CSGALNACT1: variants seen among roughly 807,000 people sequenced by gnomAD.
The protein encoded by CSGALNACT1 is beta4GalNAcT-1.
CSGALNACT1 carries 52 observed loss-of-function variants against 51.0 expected under a neutral mutation model. That is an observed-to-expected ratio of 1.02 (90% CI 0.82 to 1.29). CSGALNACT1 has a LOEUF of 1.29. Ranked by LOEUF, CSGALNACT1 falls within the 50% of genes most tolerant of loss-of-function variation. CSGALNACT1 has a pLI of 0.00. For missense variants in CSGALNACT1, 935 were observed against 679.2 expected, an observed-to-expected ratio of 1.38 and a Z score of -4.19; for synonymous variants, 341 against 254.4, an observed-to-expected ratio of 1.34 and a Z score of -3.24.
chr8:19,466,445 A>C (rs1430673644), intron 4 of CSGALNACT1, among the ~76,000 whole-genome samples: 3 of 152,196 alleles, frequency 2.0e-5, no homozygotes, highest in Non-Finnish European at 4.4e-5. Context: ...ATAAACACAC[A>C]TTCTGCTTAC....
chr8:19,698,583 T>C (rs2061697598), intron 1 of CSGALNACT1, among the ~76,000 whole-genome samples: 1 of 152,180 alleles, frequency 6.6e-6, no homozygotes, highest in South Asian at 2.1e-4. Flanking sequence ...GAAGTTAATC[T>C]GGAGGCACTA....
chr8:19,531,418 C>T (rs1399262130), intron 3 of CSGALNACT1, among the ~76,000 whole-genome samples: 1 of 152,164 alleles, frequency 6.6e-6, no homozygotes, highest in Admixed American at 6.5e-5. Flanking sequence ...GCAGAACACC[C>T]AGCTCAGTCC....
intron 8 of CSGALNACT1, among the ~76,000 whole-genome samples, chr8:19,416,644 C>T (rs949485006): frequency 6.6e-6 from 1 of 152,076 alleles, no homozygotes; most frequent in Admixed American, 6.6e-5. Flanking sequence ...TACTGAATAC[C>T]ATCGTGCTTC....
chr8:19,648,702 G>A (rs370178993), intron 1 of CSGALNACT1, among the ~76,000 whole-genome samples: 22 of 152,280 alleles, frequency 1.4e-4, no homozygotes, highest in African/African-American at 4.6e-4. Flanking sequence ...TACTCAGAAG[G>A]CTGAGGTGGG....
In CSGALNACT1 at chr8:19,406,009, T is replaced by TC; in HGVS notation, c.1369_1370insG (p.Tyr457Ter). 1 of 1,614,220 alleles carries TC rather than the reference T, an allele frequency of 6.2e-7. No individual in the cohort carries two copies. The highest frequency in any genetic ancestry group is 8.5e-7 in the Non-Finnish European group (1 of 1,180,060). The stretch of plus-strand genomic sequence containing the variant: ...TACCACTATGAGGTTGCTGTGGAGA[T>TC]ACTTGCGATAAAGGTGCACATCCTC... Residue 457 changes from tyrosine (Y) to a stop codon, truncating the protein, a stop_gained and frameshift_variant, in exon 10 of 10, where the codon TAT becomes TGAT. Coordinates refer to ENST00000454498, the Ensembl canonical transcript of CSGALNACT1. LOFTEE classifies it high-confidence loss of function.
intron 3 of CSGALNACT1, among the ~76,000 whole-genome samples, chr8:19,549,302 T>G (rs1038681241): frequency 1.3e-5 from 2 of 152,172 alleles, no homozygotes; most frequent in African/African-American, 4.8e-5. Context: ...TTAAATATTG[T>G]TCCTAACTAA....
At chr8:19,599,413 A>AAAGGAAGG (rs1242872439) in intron 2 of CSGALNACT1, among the ~76,000 whole-genome samples, 1 of 146,926 alleles carries the variant, frequency 6.8e-6, no homozygotes, top group Non-Finnish European at 1.5e-5. Flanking sequence ...AAAAGGAAAG[A>AAAGGAAGG]AAGGAAGGAA....
intron 3 of CSGALNACT1, among the ~76,000 whole-genome samples, chr8:19,511,567 C>T (rs2078471066): frequency 6.6e-6 from 1 of 152,144 alleles, no homozygotes; most frequent in Non-Finnish European, 1.5e-5. Flanking sequence ...ATTTAGAATT[C>T]CCTCTACCCC....
At chr8:19,406,506 T>C (rs763012482) in intron 9 of CSGALNACT1, among the ~76,000 whole-genome samples, 28 of 151,072 alleles carry the variant, frequency 1.9e-4, no homozygotes, top group Admixed American at 1.1e-3. Context: ...TGATAAATAA[T>C]TGAAATGATG....
chr8:19,498,665 C>G (rs2075894064), intron 4 of CSGALNACT1, among the ~76,000 whole-genome samples: 1 of 152,220 alleles, frequency 6.6e-6, no homozygotes, highest in African/African-American at 2.4e-5. Flanking sequence ...GTGTACAACG[C>G]AGCCAGAACC....
At chr8:19,487,482 C>A (rs576246239) in intron 4 of CSGALNACT1, among the ~76,000 whole-genome samples, 1 of 152,194 alleles carries the variant, frequency 6.6e-6, no homozygotes, top group Non-Finnish European at 1.5e-5. Context: ...GGGCGAGACA[C>A]ATGAGCTCTG....
intron 5 of CSGALNACT1, chr8:19,457,708 G>A (rs777715030): frequency 1.5e-6 from 2 of 1,331,182 alleles, no homozygotes; most frequent in Non-Finnish European, 2.0e-6. Flanking sequence ...AAATCACTTA[G>A]CTGGTTATCC....
At chr8:19,650,167 A>C (rs2057670323) in intron 1 of CSGALNACT1, among the ~76,000 whole-genome samples, 1 of 152,204 alleles carries the variant, frequency 6.6e-6, no homozygotes. Context: ...GAGAGATGAC[A>C]TTTTGAGTAG....
chr8:19,504,403 G>C (rs547869111), intron 4 of CSGALNACT1, among the ~76,000 whole-genome samples: 141 of 152,268 alleles, frequency 9.3e-4, no homozygotes, highest in African/African-American at 3.3e-3. Context: ...TTCAGAAATG[G>C]GGAAAGAACT....
At chr8:19,722,991 C>T (rs1394563169) in intron 1 of CSGALNACT1, among the ~76,000 whole-genome samples, 1 of 152,202 alleles carries the variant, frequency 6.6e-6, no homozygotes, top group South Asian at 2.1e-4. Flanking sequence ...GATCTTTATT[C>T]TAGGGACAAA....
intron 1 of CSGALNACT1, among the ~76,000 whole-genome samples, chr8:19,703,238 A>G (rs978730966): frequency 9.2e-5 from 14 of 152,160 alleles, no homozygotes; most frequent in African/African-American, 2.7e-4. Flanking sequence ...TTGACGTGGC[A>G]TGTGACTTGG....
intron 3 of CSGALNACT1, among the ~76,000 whole-genome samples, chr8:19,510,045 C>T (rs12543886): frequency 1.2e-3 from 179 of 152,108 alleles, no homozygotes; most frequent in African/African-American, 4.1e-3. Context: ...ACATAATTCC[C>T]GTTTTTTGTT....
At chr8:19,551,821 T>G (rs985105510) in intron 3 of CSGALNACT1, among the ~76,000 whole-genome samples, 1 of 152,192 alleles carries the variant, frequency 6.6e-6, no homozygotes, top group Non-Finnish European at 1.5e-5. Context: ...AATTTATATC[T>G]TATTTTTTAC....
chr8:19,622,051 A>T (rs1476029183), intron 1 of CSGALNACT1, among the ~76,000 whole-genome samples: 1 of 152,236 alleles, frequency 6.6e-6, no homozygotes, highest in Non-Finnish European at 1.5e-5. Flanking sequence ...CATTGTGGCC[A>T]ATTTCAAGCT....
Sources: gnomAD v4.1 joint callset for allele counts (sites outside exome capture counted in the v4.1 genomes callset) on GRCh38, gnomAD v4.1.1 for gene constraint, MANE v1.5 for transcripts, NCBI Gene and HGNC (gene_info 2026-07-23, HGNC 2026-07-21) for gene names.